Variants in ERN2 observed in about 807,000 individuals in gnomAD.
ERN2 encodes the protein serine/threonine-protein kinase/endoribonuclease IRE2.
In ERN2, 111 loss-of-function variants were observed where a neutral mutation model predicts 107.9. The observed-to-expected ratio is 1.03, with a 90% CI of 0.88 to 1.20. The LOEUF (loss-of-function observed/expected upper bound fraction) is 1.20, where lower values mean the gene tolerates loss of function less well. Among genes scored for constraint, ERN2 ranks in the 50% most tolerant of loss-of-function variants. ERN2 has a pLI of 0.00. For missense variants in ERN2, 1,225 were observed against 1,197.9 expected (o/e 1.02, Z -0.33); for synonymous variants, 524 against 501.7 (o/e 1.04, Z -0.59).
chr16:23,709,170 C>T (rs993140276), intron 4 of ERN2: 10 of 455,430 alleles, frequency 2.2e-5, no homozygotes, highest in South Asian at 4.7e-5. Context: ...GTGGTGTGTA[C>T]CTGTAGTTCC....
Position 23,703,974 on chromosome 16 carries a change from G to T in ERN2, c.854+909C>A, listed in dbSNP as rs998282765. ...CATATCTGTCTCTCCCATTAGACTC[G>T]GGTTCCTGAGGCAGGAACAATGGCT... On this transcript the variant is annotated intron_variant, in intron 8 of 21. Transcript: ENST00000256797. Among the ~76,000 whole-genome samples, 3 of 151,694 alleles carry T rather than the reference G, an allele frequency of 2.0e-5. 1 individual carries two copies. Among genetic ancestry groups the T allele is most frequent in the African/African-American group, 7.3e-5 (3 of 41,214 alleles).
chr16:23,691,258 C>T (rs764306024), intron 20 of ERN2, 44 bp downstream of exon 20: 3 of 1,612,012 alleles, frequency 1.9e-6, no homozygotes, highest in Non-Finnish European at 2.5e-6. Flanking sequence ...CCGCCCAGGC[C>T]CACTCCCCTC....
rs758864956 is a variant in ERN2, at chr16:23,702,138, C to T, written c.1203+14G>A. 8 of 1,609,094 alleles carry T rather than the reference C, an allele frequency of 5.0e-6. No individual in the cohort carries two copies. Among genetic ancestry groups the T allele is most frequent in the African/African-American group, 2.7e-5 (2 of 74,780 alleles). On this transcript the variant is annotated intron_variant, in intron 11 of 21. Transcript: ENST00000256797. ...GGCCTCCCTACCCCCACTCTCTCCCCTCCCAGCACTGACCTCCAAGAAGAA... is the reference window on the plus strand; with the variant it reads ...GGCCTCCCTACCCCCACTCTCTCCCTTCCCAGCACTGACCTCCAAGAAGAA...
rs375328646 is a variant in ERN2 at position 23,698,183 on chromosome 16, A to T, written c.1526-2205T>A. Among the ~76,000 whole-genome samples the T allele has an allele frequency of 1.5e-4, 23 of 152,334 alleles. 1 individual carries two copies. The East Asian group carries it at 2.1e-3, about 14-fold the overall frequency. ...CACAGGTATTTGCCAGGTATTGTTCAAACAGGGGCACCATCCCACAGAAAT... is the reference window on the plus strand; with the variant it reads ...CACAGGTATTTGCCAGGTATTGTTCTAACAGGGGCACCATCCCACAGAAAT... On this transcript the variant is annotated intron_variant, in intron 13 of 21. Coordinates refer to ENST00000256797, the MANE Select transcript of ERN2 (RefSeq NM_033266.4).
Position 23,702,269 on chromosome 16 carries a change from G to C in ERN2, c.1086C>G (p.His362Gln). ...TGTGCAGGACTGGGGGTAGCTCGTG[G>C]TGTCCTAAGGTGGGGGGCAAAAGTC... ...ALPSQWLLIG[H>Q]HELPPVLHTT... The change falls in exon 11 of 22, where the codon CAC (histidine) becomes CAG (glutamine). Residue 362 changes from histidine (H) to glutamine (Q), a missense_variant. Coordinates refer to ENST00000256797, the MANE Select transcript of ERN2 (RefSeq NM_033266.4). 1.2e-6 allele frequency: 2 copies of C among 1,614,126 alleles called. No homozygotes were observed. The highest frequency in any genetic ancestry group is 2.2e-5 in the East Asian group (1 of 44,882).
chr16:23,697,451 C>T lies in ERN2; in HGVS notation c.1526-1473G>A, dbSNP rs915435841. ...CAGAGCTGCTTGAACAAACCCTGCT[C>T]ATCTGACTGCAGGTGACAGTCACCC... is the stretch of plus-strand genomic sequence containing the variant. On this transcript the variant is annotated intron_variant, in intron 13 of 21. Transcript: ENST00000256797. The T allele has an allele frequency of 5.3e-5, 8 of 152,158 alleles. 1 individual carries two copies. The highest frequency in any genetic ancestry group is 1.4e-4 in the African/African-American group (6 of 41,420). 9.4% of individuals were successfully genotyped at this position (152,158 alleles called of 1,614,324 possible).
rs888887641 is a variant in ERN2, at chr16:23,702,821, A to C, written c.855-119T>G. On this transcript the variant is annotated intron_variant, in intron 8 of 21. Coordinates refer to ENST00000256797, the MANE Select transcript of ERN2 (RefSeq NM_033266.4). ...CACATTGACTCAGCTTAGCCATGAG[A>C]CTTGCTTTAATCAATTAGACAACAG... 10 of 859,348 alleles carry C rather than the reference A, an allele frequency of 1.2e-5. No individual in the cohort carries two copies. The African/African-American group carries it at 1.7e-4, about 14-fold the overall frequency. The allele number at this position is 859,348 out of a possible 1,614,324, so 53.2% of individuals were successfully genotyped here.
intron 11 of ERN2, among the ~76,000 whole-genome samples, chr16:23,701,489 T>A (rs1168201622): frequency 6.6e-6 from 1 of 152,194 alleles, no homozygotes; most frequent in Non-Finnish European, 1.5e-5. Flanking sequence ...CCTTCTAACC[T>A]TGAGCTACTT....
At chr16:23,702,015 A>C (rs1328514479) in intron 11 of ERN2, 137 bp downstream of exon 11, 4 of 856,188 alleles carry the variant, frequency 4.7e-6, no homozygotes, top group Non-Finnish European at 7.2e-6. Context: ...TCCCAACAAA[A>C]AGTCTGGGAA....
intron 11 of ERN2, among the ~76,000 whole-genome samples, chr16:23,701,645 T>A (rs1960069437): frequency 6.6e-6 from 1 of 151,974 alleles, no homozygotes; most frequent in Non-Finnish European, 1.5e-5. Context: ...TGTCTTTTTT[T>A]TTTTTTTTTG....
At chr16:23,691,518 G>T in intron 19 of ERN2, 93 bp from the exon 20 acceptor site, 1 of 1,437,978 alleles carries the variant, frequency 7.0e-7, no homozygotes, top group South Asian at 1.3e-5. Context: ...TAGGGTGACT[G>T]ACAAGGATCA....
rs773173186 is a variant in ERN2, at chr16:23,711,019, C to G, written c.94-1G>C. The G allele has an allele frequency of 9.9e-6, 16 of 1,610,000 alleles. No homozygotes were observed. The highest frequency in any genetic ancestry group is 1.6e-4 in the Middle Eastern group (1 of 6,072). ...GGTTCTCTGGCCTGAGAGTATGAAC[C>G]TGCAAGGGGGTAGAGACAAAGTCAG... On this transcript the variant is annotated splice_acceptor_variant, in intron 1 of 21. Coordinates refer to ENST00000256797, the MANE Select transcript of ERN2 (RefSeq NM_033266.4). LOFTEE classifies it high-confidence loss of function.
chr16:23,705,789 C>T (rs916025252), intron 7 of ERN2, among the ~76,000 whole-genome samples: 1 of 152,166 alleles, frequency 6.6e-6, no homozygotes, highest in Non-Finnish European at 1.5e-5. Flanking sequence ...TGGTACACAT[C>T]TGCAGTCCCA....
intron 12 of ERN2, 41 bp from the exon 13 acceptor site, chr16:23,700,745 C>A (rs767157246): frequency 1.9e-6 from 3 of 1,579,964 alleles, no homozygotes; most frequent in South Asian, 2.3e-5. Context: ...CCTGGCCACG[C>A]CCTGCCCCGT....
chr16:23,705,355 G>A (rs148713623), intron 7 of ERN2, among the ~76,000 whole-genome samples: 31 of 152,306 alleles, frequency 2.0e-4, no homozygotes, highest in African/African-American at 7.0e-4. Flanking sequence ...ATGTGTGGGA[G>A]TCAGTTTGGG....
intron 11 of ERN2, among the ~76,000 whole-genome samples, chr16:23,701,427 G>A (rs1340258136): frequency 6.6e-6 from 1 of 152,216 alleles, no homozygotes; most frequent in Non-Finnish European, 1.5e-5. Context: ...GCTCCCAGGT[G>A]ATTCTGATGA....
intron 5 of ERN2, 56 bp from the exon 6 acceptor site, chr16:23,706,917 C>A: frequency 6.4e-7 from 1 of 1,569,256 alleles, no homozygotes; most frequent in Non-Finnish European, 8.8e-7. Context: ...AGGTGTGGCC[C>A]CGCCACTCTT....
Position 23,710,567 on chromosome 16 carries a change from C to G in ERN2, c.200-18G>C, listed in dbSNP as rs9932568. On this transcript the variant is annotated intron_variant, in intron 2 of 21. Transcript: ENST00000256797. The stretch of plus-strand genomic sequence containing the variant: ...GACGGGATCTGCAGGGACAGGGACA[C>G]AGAACATAAGCAGTTTCCTCCAGAC... 4,879 of 1,613,936 alleles carry G rather than the reference C, an allele frequency of 3.0e-3. 124 individuals carry two copies. In the African/African-American group the frequency reaches 0.053, roughly 17 times the overall value.
rs756878193 is a variant in ERN2, at chr16:23,706,791, C to T, written c.450G>A (p.Glu150=). ...SGETQMTLTT[E]GPSTPRLYIG... is the part of the protein sequence containing the mutation. ...TGTAGAGGCGGGGGGTGGAGGGACC[C>T]TCTGTGGTCAGTGTCATCTGGGTCT... Residue 150 remains glutamate (E), a synonymous_variant, in exon 6 of 22, where the codon GAG becomes GAA. Transcript: ENST00000256797. 3 of 1,612,384 alleles carry T rather than the reference C, an allele frequency of 1.9e-6. No individual in the cohort carries two copies. The highest frequency in any genetic ancestry group is 1.7e-6 in the Non-Finnish European group (2 of 1,179,436).
Sources: gnomAD v4.1 joint callset for allele counts (sites outside exome capture counted in the v4.1 genomes callset) on GRCh38, gnomAD v4.1.1 for gene constraint, MANE v1.5 for transcripts, NCBI Gene and HGNC (gene_info 2026-07-23, HGNC 2026-07-21) for gene names.